The following GPATCH1 variants were observed in gnomAD, a reference collection of about 807,000 sequenced individuals.
GPATCH1 encodes G patch domain-containing protein 1.
GPATCH1 carries 73 observed loss-of-function variants against 114.9 expected under a neutral mutation model. The observed-to-expected ratio is 0.64, with a 90% CI of 0.53 to 0.77. The LOEUF is 0.77. Among genes scored for constraint, GPATCH1 ranks in the 30% least tolerant of loss-of-function variants. The pLI is 0.00. For missense variants in GPATCH1, 1,058 were observed against 1,144.3 expected, an observed-to-expected ratio of 0.92 and a Z score of 1.09; for synonymous variants, 391 against 428.4, an observed-to-expected ratio of 0.91 and a Z score of 1.08.
chr19:33,088,278 T>C lies in GPATCH1; in HGVS notation c.208+10T>C. 1 of 1,585,864 alleles carries C rather than the reference T, an allele frequency of 6.3e-7. No individual in the cohort carries two copies. The highest frequency in any genetic ancestry group is 8.6e-7 in the Non-Finnish European group (1 of 1,163,466). On this transcript the variant is annotated intron_variant, in intron 2 of 19. Transcript: ENST00000170564. ...GTTGGCTCAAAAGAAGGTATCATTT[T>C]CCTAATTGTAGCTATTATACCATTA...
At chr19:33,107,949 T>G (rs1206110126) in intron 10 of GPATCH1, among the ~76,000 whole-genome samples, 1 of 152,140 alleles carries the variant, frequency 6.6e-6, no homozygotes, top group Non-Finnish European at 1.5e-5. Context: ...GTGCTGCACC[T>G]ATTAACTCGT....
intron 8 of GPATCH1, among the ~76,000 whole-genome samples, chr19:33,098,910 T>C (rs1416131901): frequency 1.3e-5 from 2 of 152,008 alleles, no homozygotes; most frequent in East Asian, 1.9e-4. Context: ...CTTTTTTTTT[T>C]CCTTCCAATG....
intron 1 of GPATCH1, 91 bp from the exon 2 acceptor site, chr19:33,088,043 A>G: frequency 1.5e-6 from 1 of 678,610 alleles, no homozygotes; most frequent in Non-Finnish European, 2.4e-6. Flanking sequence ...TAAACAATTT[A>G]TGATATTTAA....
intron 18 of GPATCH1, 125 bp from the exon 19 acceptor site, chr19:33,126,461 ACT>A: frequency 1.4e-6 from 2 of 1,381,934 alleles, no homozygotes; most frequent in Non-Finnish European, 1.9e-6. Flanking sequence ...ACTCTCACTC[ACT>A]CTAAATGAGG....
intron 14 of GPATCH1, 98 bp from the exon 15 acceptor site, chr19:33,114,155 T>A: frequency 5.9e-6 from 7 of 1,183,862 alleles, no homozygotes; most frequent in Non-Finnish European, 8.6e-6. Context: ...AGGCCCCTAG[T>A]AGGCACGCTG....
At chr19:33,091,388 TGG>T (rs1162377834) in intron 3 of GPATCH1, among the ~76,000 whole-genome samples, 1 of 121,890 alleles carries the variant, frequency 8.2e-6, no homozygotes, top group African/African-American at 3.2e-5. Flanking sequence ...CACTCCAGCC[TGG>T]GCGACAGAGC....
At chr19:33,114,153 A>G in intron 14 of GPATCH1, 100 bp from the exon 15 acceptor site, 4 of 1,164,720 alleles carry the variant, frequency 3.4e-6, no homozygotes, top group Non-Finnish European at 5.0e-6. Flanking sequence ...CCAGGCCCCT[A>G]GTAGGCACGC....
rs149739798 is a variant in GPATCH1 at position 33,093,796 on chromosome 19, C to T, written c.455+277C>T. 5.3e-5 allele frequency among the ~76,000 whole-genome samples: 8 copies of T among 152,298 alleles called. No homozygotes were observed. The East Asian group carries it at 7.7e-4, about 15-fold the overall frequency. On this transcript the variant is annotated intron_variant, in intron 4 of 19. Transcript: ENST00000170564. ...ACCACCCCTCCAGACCTTATAGCCTCGCCTCTGTCTGCCTCCTTCTACCCT... is the reference window on the plus strand; with the variant it reads ...ACCACCCCTCCAGACCTTATAGCCTTGCCTCTGTCTGCCTCCTTCTACCCT...
rs576396283 is a variant in GPATCH1 at position 33,097,874 on chromosome 19, A to G, written c.972A>G (p.Thr324=). The G allele has an allele frequency of 1.2e-6, 2 of 1,614,152 alleles. No homozygotes were observed. Among genetic ancestry groups the G allele is most frequent in the East Asian group, 4.5e-5 (2 of 44,882 alleles). ...CTGGAGACGGACTCTATGGCTGGAC[A>G]GCACCCAGGCAGTATAAAAACCAGA... ...EEPGDGLYGW[T]APRQYKNQKE... is the part of the protein sequence containing the mutation. The change falls in exon 8 of 20, where the codon ACA becomes ACG. Residue 324 remains threonine, a synonymous_variant. Transcript: ENST00000170564.
chr19:33,112,075 C>T (rs1324962659), intron 12 of GPATCH1, among the ~76,000 whole-genome samples, 173 bp downstream of exon 12: 2 of 152,154 alleles, frequency 1.3e-5, no homozygotes, highest in Admixed American at 1.3e-4. Flanking sequence ...AAGCGATTCT[C>T]CTGCCTCAGC....
At chr19:33,113,031 G>A (rs1414167751) in intron 13 of GPATCH1, 2 of 158,466 alleles carry the variant, frequency 1.3e-5, no homozygotes, top group Non-Finnish European at 2.8e-5. Flanking sequence ...TGTAATCCTA[G>A]CTTGGGAGGC....
At chr19:33,099,548 C>T (rs1811722747) in intron 8 of GPATCH1, among the ~76,000 whole-genome samples, 1 of 151,622 alleles carries the variant, frequency 6.6e-6, no homozygotes, top group South Asian at 2.1e-4. Flanking sequence ...ATTTTCTATT[C>T]GGTGAATCTA....
intron 9 of GPATCH1, among the ~76,000 whole-genome samples, chr19:33,105,411 C>CAAAAAAA (rs922660129): frequency 1.7e-5 from 1 of 58,476 alleles, no homozygotes; most frequent in Admixed American, 1.8e-4. Context: ...GACTCTGTCT[C>CAAAAAAA]AAAAAAAAAA....
At chr19:33,087,239 A>G (rs1450276939) in intron 1 of GPATCH1, among the ~76,000 whole-genome samples, 1 of 152,090 alleles carries the variant, frequency 6.6e-6, no homozygotes, top group East Asian at 1.9e-4. Context: ...TGAACTTTTG[A>G]AAATAACTTG....
chr19:33,129,177 G>A (rs546087383), intron 19 of GPATCH1, among the ~76,000 whole-genome samples: 5 of 151,960 alleles, frequency 3.3e-5, no homozygotes, highest in South Asian at 2.1e-4. Context: ...AACCTGGGAG[G>A]TGGAGGTTGC....
chr19:33,099,206 TA>T (rs1972696998), intron 8 of GPATCH1, among the ~76,000 whole-genome samples: 1 of 150,996 alleles, frequency 6.6e-6, no homozygotes, highest in Non-Finnish European at 1.5e-5. Flanking sequence ...TGATCTATTT[TA>T]ATTATTCATT....
intron 1 of GPATCH1, among the ~76,000 whole-genome samples, chr19:33,085,677 T>A (rs900831217): frequency 6.6e-6 from 1 of 152,198 alleles, no homozygotes; most frequent in African/African-American, 2.4e-5. Context: ...TCAGGGAAGT[T>A]ACTTAATCAG....
intron 9 of GPATCH1, among the ~76,000 whole-genome samples, chr19:33,103,266 T>A (rs1329021772): frequency 6.6e-6 from 1 of 152,220 alleles, no homozygotes; most frequent in Non-Finnish European, 1.5e-5. Flanking sequence ...ACAGTTTTGA[T>A]TTGTTTCATT....
At chr19:33,084,506 C>T (rs539347833) in intron 1 of GPATCH1, among the ~76,000 whole-genome samples, 1 of 152,202 alleles carries the variant, frequency 6.6e-6, no homozygotes, top group East Asian at 1.9e-4. Flanking sequence ...TAAAACTAAC[C>T]GTGGCTTCCC....
Sources: gnomAD v4.1 joint callset for allele counts (sites outside exome capture counted in the v4.1 genomes callset) on GRCh38, gnomAD v4.1.1 for gene constraint, MANE v1.5 for transcripts, NCBI Gene and HGNC (gene_info 2026-07-23, HGNC 2026-07-21) for gene names.